The following GABRA2 variants were observed in gnomAD, a reference collection of about 807,000 sequenced individuals.
GABRA2 encodes the protein gamma-aminobutyric acid type A receptor subunit alpha2.
A neutral mutation model predicts 48.7 loss-of-function variants in GABRA2; 16 were observed. The ratio of observed to expected loss-of-function variants is 0.33; its 90% CI spans 0.22 to 0.50. The LOEUF is 0.50. Among genes scored for constraint, GABRA2 ranks in the 20% least tolerant of loss-of-function variants. GABRA2 has a pLI of 0.98. For synonymous variants in GABRA2, 185 were observed against 184.5 expected (o/e 1.00, Z -0.02); for missense variants, 275 against 535.6 (o/e 0.51, Z 4.80).
chr4:46,338,623 A>G (rs1251883309), intron 3 of GABRA2, among the ~76,000 whole-genome samples: 1 of 151,846 alleles, frequency 6.6e-6, no homozygotes, highest in Non-Finnish European at 1.5e-5. Flanking sequence ...GAAATATCTG[A>G]TTTTCTGTCG....
intron 3 of GABRA2, among the ~76,000 whole-genome samples, chr4:46,383,516 G>A (rs1295201282): frequency 6.6e-6 from 1 of 152,162 alleles, no homozygotes; most frequent in African/African-American, 2.4e-5. Context: ...TTTAGTTGCT[G>A]AGAAAGGAGG....
rs1424181818 is a variant in GABRA2, at chr4:46,356,755, T to A, written c.188-24073A>T. On this transcript the variant is annotated intron_variant, in intron 3 of 9. Transcript: ENST00000381620. ...TTTGATCTACTGCTGGAATAACACT[T>A]ATTCCCCTCTTCTCACATTTTACTG... Among the ~76,000 whole-genome samples the A allele has an allele frequency of 3.9e-5, 6 of 152,174 alleles. No homozygotes were observed. In the East Asian group the frequency reaches 1.2e-3, roughly 29 times the overall value.
At chr4:46,276,993 T>C (rs572262614) in intron 8 of GABRA2, among the ~76,000 whole-genome samples, 1 of 152,192 alleles carries the variant, frequency 6.6e-6, no homozygotes, top group East Asian at 1.9e-4. Flanking sequence ...CTGGTCAAAA[T>C]CTAAAAATTA....
intron 4 of GABRA2, among the ~76,000 whole-genome samples, chr4:46,327,586 C>A (rs946862991): frequency 6.6e-6 from 1 of 151,956 alleles, no homozygotes; most frequent in Non-Finnish European, 1.5e-5. Context: ...ATGGCAACTT[C>A]TGATAAAGGA....
chr4:46,269,727 T>A (rs1022824699), intron 8 of GABRA2, among the ~76,000 whole-genome samples: 1 of 151,844 alleles, frequency 6.6e-6, no homozygotes, highest in Non-Finnish European at 1.5e-5. Flanking sequence ...TGTTTCACAT[T>A]TTTTTACTAT....
chr4:46,290,012 C>T (rs1183626954), intron 8 of GABRA2, among the ~76,000 whole-genome samples: 3 of 150,536 alleles, frequency 2.0e-5, no homozygotes, highest in Admixed American at 6.6e-5. Context: ...CCCGGGTTCA[C>T]GCCATTCTCC....
intron 3 of GABRA2, among the ~76,000 whole-genome samples, chr4:46,340,500 A>C (rs1733035807): frequency 6.6e-6 from 1 of 151,924 alleles, no homozygotes; most frequent in South Asian, 2.1e-4. Flanking sequence ...AAATTTATAA[A>C]ATTTTTGTCA....
chr4:46,301,854 T>A (rs1725799411), intron 8 of GABRA2, among the ~76,000 whole-genome samples: 1 of 152,150 alleles, frequency 6.6e-6, no homozygotes, highest in South Asian at 2.1e-4. Context: ...GTACAGTATC[T>A]AACAAAATAA....
intron 1 of GABRA2, chr4:46,389,414 G>A (rs1174294143): frequency 1.0e-6 from 1 of 985,312 alleles, no homozygotes; most frequent in African/African-American, 1.7e-5. Context: ...CACAATAAGA[G>A]AAGGCGCGTG....
At chr4:46,364,313 A>T (rs1713694622) in intron 3 of GABRA2, 1 of 152,236 alleles carries the variant, frequency 6.6e-6, no homozygotes, top group Non-Finnish European at 1.5e-5. Flanking sequence ...TATGCCTAGC[A>T]CAGGTTAAAC....
At position 46,297,476 on chromosome 4, in the gene GABRA2, C is replaced by CATATATATATATATATATATATAT. The variant is rs56201706; in HGVS notation, c.856+5960_856+5983dup. On this transcript the variant is annotated intron_variant, in intron 8 of 9. Transcript: ENST00000381620. ...GAGTTAATACTACTTAATAAAATCC[C>CATATATATATATATATATATATAT]ATATATATATATATATATATATATA... 2.4e-4 allele frequency among the ~76,000 whole-genome samples: 21 copies of CATATATATATATATATATATATAT among 87,896 alleles called. 1 individual carries two copies. The highest frequency in any genetic ancestry group is 2.9e-4 in the East Asian group (1 of 3,468). The allele number at this position is 87,896 out of a possible 152,430, so 57.7% of individuals were successfully genotyped here. A position where few individuals can be genotyped will look rare whatever the true frequency, so the allele number is the denominator to read the frequency against.
rs11934842 is a variant in GABRA2, at chr4:46,260,420, T to A, written c.1059+1506A>T. On this transcript the variant is annotated intron_variant, in intron 9 of 9. Transcript: ENST00000381620. ...TTATAGAGCATTATCAATTATTTGTTTTTCACATTTAGAGGTACTTCTGTT... is the reference window on the plus strand; with the variant it reads ...TTATAGAGCATTATCAATTATTTGTATTTCACATTTAGAGGTACTTCTGTT... Among the ~76,000 whole-genome samples the A allele has an allele frequency of 4.0e-3, 611 of 152,020 alleles. 6 individuals carry two copies. Among genetic ancestry groups the A allele is most frequent in the African/African-American group, 0.014 (585 of 41,542 alleles).
chr4:46,264,371 G>T (rs1316146051), intron 8 of GABRA2, among the ~76,000 whole-genome samples: 1 of 152,052 alleles, frequency 6.6e-6, no homozygotes, highest in Non-Finnish European at 1.5e-5. Context: ...TAGAATTGGT[G>T]AGAGCAGACA....
chr4:46,289,608 T>C (rs1723199304), intron 8 of GABRA2, among the ~76,000 whole-genome samples: 1 of 152,112 alleles, frequency 6.6e-6, no homozygotes, highest in South Asian at 2.1e-4. Flanking sequence ...GTACTAGGCT[T>C]AATGCCTGGG....
intron 4 of GABRA2, among the ~76,000 whole-genome samples, chr4:46,323,828 A>T (rs1197472594): frequency 1.3e-5 from 2 of 151,958 alleles, no homozygotes; most frequent in Non-Finnish European, 2.9e-5. Flanking sequence ...AGAAAAAAAA[A>T]ATTAAATTTG....
intron 4 of GABRA2, among the ~76,000 whole-genome samples, chr4:46,324,752 T>C (rs1730045797): frequency 6.6e-6 from 1 of 151,878 alleles, no homozygotes; most frequent in Non-Finnish European, 1.5e-5. Context: ...CAGTGTCTAT[T>C]GTTCCTATCT....
intron 9 of GABRA2, among the ~76,000 whole-genome samples, chr4:46,255,533 AAATAT>A (rs1175231769): frequency 1.3e-5 from 2 of 151,608 alleles, no homozygotes; most frequent in African/African-American, 2.4e-5. Context: ...AAACAAAATA[AAATAT>A]ATTTTTTATA....
chr4:46,315,095 C>T (rs1054385778), intron 4 of GABRA2, among the ~76,000 whole-genome samples: 1 of 150,828 alleles, frequency 6.6e-6, no homozygotes, highest in African/African-American at 2.4e-5. Context: ...AACTAACTTA[C>T]ATTCCCAGCA....
chr4:46,358,032 T>C (rs1736288029), intron 3 of GABRA2, among the ~76,000 whole-genome samples: 1 of 152,082 alleles, frequency 6.6e-6, no homozygotes, highest in Admixed American at 6.5e-5. Flanking sequence ...ATAACGTTAG[T>C]ATGAGTATAC....
Sources: gnomAD v4.1 joint callset for allele counts (sites outside exome capture counted in the v4.1 genomes callset) on GRCh38, gnomAD v4.1.1 for gene constraint, MANE v1.5 for transcripts, NCBI Gene and HGNC (gene_info 2026-07-23, HGNC 2026-07-21) for gene names.